Variants in ABLIM2 observed in about 807,000 individuals in gnomAD.
The protein encoded by ABLIM2 is actin binding LIM protein family member 2.
A neutral mutation model predicts 97.7 loss-of-function variants in ABLIM2; 53 were observed. The observed-to-expected ratio is 0.54, with a 90% CI of 0.44 to 0.68. The LOEUF (loss-of-function observed/expected upper bound fraction) is 0.68. Ranked by LOEUF, ABLIM2 falls within the 30% of genes least tolerant of loss-of-function variation. The probability of loss-of-function intolerance (pLI) is 0.00; values close to 1 mark genes in which losing one functional copy is unlikely to be tolerated. For synonymous variants in ABLIM2, 361 were observed against 345.8 expected, an observed-to-expected ratio of 1.04 and a Z score of -0.49; for missense variants, 835 against 867.2, an observed-to-expected ratio of 0.96 and a Z score of 0.47.
chr4:8,138,993 T>G (rs1336257982), intron 1 of ABLIM2, among the ~76,000 whole-genome samples: 2 of 152,150 alleles, frequency 1.3e-5, no homozygotes, highest in Admixed American at 1.3e-4. Flanking sequence ...GGTCAGGAGT[T>G]CAAGACCAGC....
At chr4:7,984,452 G>A (rs1228671745) in intron 18 of ABLIM2, among the ~76,000 whole-genome samples, 1 of 152,236 alleles carries the variant, frequency 6.6e-6, no homozygotes, top group Non-Finnish European at 1.5e-5. Context: ...TGCTGAACCC[G>A]GAGAGTTCAC....
chr4:7,994,760 GTTGTTT>G, intron 16 of ABLIM2, among the ~76,000 whole-genome samples: 1 of 116,644 alleles, frequency 8.6e-6, no homozygotes, highest in Non-Finnish European at 2.1e-5. Context: ...TCCAGCACCT[GTTGTTT>G]CCTGACTTCA....
chr4:7,972,662 G>C (rs1191931231), intron 20 of ABLIM2, among the ~76,000 whole-genome samples: 1 of 152,204 alleles, frequency 6.6e-6, no homozygotes, highest in Non-Finnish European at 1.5e-5. Flanking sequence ...GGCGCCACGG[G>C]GGCTCCCCCG....
In ABLIM2 at chr4:8,122,343, G is replaced by C. The variant is rs1023758763; in HGVS notation, c.11-15706C>G. ...TTCCCAGGGGACACCCTCTGTCCTGGTCCATGTGGGCTGCCAGAACAATAC... is the reference window on the plus strand; with the variant it reads ...TTCCCAGGGGACACCCTCTGTCCTGCTCCATGTGGGCTGCCAGAACAATAC... On this transcript the variant is annotated intron_variant, in intron 1 of 20. Coordinates refer to ENST00000447017, the MANE Select transcript of ABLIM2 (RefSeq NM_001130083.2). The surrounding 1 kb of genome is among the most constrained non-coding windows in gnomAD (Gnocchi z 4.1). Among the ~76,000 whole-genome samples the C allele has an allele frequency of 2.6e-5, 4 of 152,162 alleles. No individual in the cohort carries two copies. The highest frequency in any genetic ancestry group is 2.0e-4 in the Admixed American group (3 of 15,270).
At chr4:8,080,613 G>GT in intron 5 of ABLIM2, 63 bp downstream of exon 5, 1 of 1,490,680 alleles carries the variant, frequency 6.7e-7, no homozygotes. Flanking sequence ...TGCAGAGTGT[G>GT]GGACCCCCAC....
At position 8,021,270 on chromosome 4, in the gene ABLIM2, T is replaced by A. The variant is rs2150933873; in HGVS notation, c.1268-967A>T. ...ATTCTGTTTTGCGAACAAGGTTGGA[T>A]TATCAAGTCACGCATCCAGAGGGCC... On this transcript the variant is annotated intron_variant, in intron 12 of 20. Coordinates refer to ENST00000447017, the MANE Select transcript of ABLIM2 (RefSeq NM_001130083.2). The surrounding 1 kb of genome is among the most constrained non-coding windows in gnomAD (Gnocchi z 5.5). Among the ~76,000 whole-genome samples, 1 of 152,286 alleles carries A rather than the reference T, an allele frequency of 6.6e-6. No homozygotes were observed. The highest frequency in any genetic ancestry group is 2.1e-4 in the South Asian group (1 of 4,832).
Position 7,986,292 on chromosome 4 carries a change from A to C in ABLIM2, c.1681-1399T>G, listed in dbSNP as rs1308486537. ...AGGAGCTGGTTACAGCCTAGAGAGCACGAGAGCAGGAAGACCTCAGAGGGC... is the reference window on the plus strand; with the variant it reads ...AGGAGCTGGTTACAGCCTAGAGAGCCCGAGAGCAGGAAGACCTCAGAGGGC... On this transcript the variant is annotated intron_variant, in intron 17 of 20. Transcript: ENST00000447017. This position sits in a 1 kb window ranked among gnomAD's most constrained non-coding sequence, Gnocchi z 4.3. Among the ~76,000 whole-genome samples the C allele has an allele frequency of 1.3e-5, 2 of 152,194 alleles. No homozygotes were observed. The highest frequency in any genetic ancestry group is 4.8e-5 in the African/African-American group (2 of 41,454).
At chr4:8,066,608 G>A (rs1312408505) in intron 6 of ABLIM2, 3 of 152,212 alleles carry the variant, frequency 2.0e-5, no homozygotes, top group African/African-American at 4.8e-5. Flanking sequence ...GCTACAACAT[G>A]GATGAACTCT....
rs1466064876 is a variant in ABLIM2, at chr4:8,046,295, C to T, written c.823-1054G>A. On this transcript the variant is annotated intron_variant, in intron 8 of 20. Coordinates refer to ENST00000447017, the MANE Select transcript of ABLIM2 (RefSeq NM_001130083.2). This position sits in a 1 kb window ranked among gnomAD's most constrained non-coding sequence, Gnocchi z 4.4. ...TCTGTGGTCCCCACACCTCTGGCTGCACCTGCTGTCCCTCCCCACCTGCAG... is the reference window on the plus strand; with the variant it reads ...TCTGTGGTCCCCACACCTCTGGCTGTACCTGCTGTCCCTCCCCACCTGCAG... 2.0e-5 allele frequency among the ~76,000 whole-genome samples: 3 copies of T among 152,150 alleles called. No homozygotes were observed. The highest frequency in any genetic ancestry group is 2.9e-5 in the Non-Finnish European group (2 of 68,016).
At chr4:8,016,376 T>C (rs1221691571) in intron 14 of ABLIM2, among the ~76,000 whole-genome samples, 1 of 152,102 alleles carries the variant, frequency 6.6e-6, no homozygotes, top group Non-Finnish European at 1.5e-5. Flanking sequence ...GCGCACAGCT[T>C]CCCTCCCCTG....
At chr4:8,110,197 T>C (rs1299273243) in intron 1 of ABLIM2, among the ~76,000 whole-genome samples, 1 of 152,194 alleles carries the variant, frequency 6.6e-6, no homozygotes, top group Non-Finnish European at 1.5e-5. Flanking sequence ...GGGCCGTGCA[T>C]CTTCAAGACG....
intron 6 of ABLIM2, among the ~76,000 whole-genome samples, chr4:8,074,975 G>A (rs980707897): frequency 2.6e-5 from 4 of 151,996 alleles, no homozygotes; most frequent in African/African-American, 7.2e-5. Context: ...TAGTAGAGAC[G>A]GGGTTTCACC....
intron 20 of ABLIM2, among the ~76,000 whole-genome samples, chr4:7,981,870 G>C (rs1161461816): frequency 6.6e-6 from 1 of 152,074 alleles, no homozygotes; most frequent in Non-Finnish European, 1.5e-5. Flanking sequence ...CAGTGGGTGC[G>C]TGCTCAGTGT....
intron 1 of ABLIM2, among the ~76,000 whole-genome samples, chr4:8,145,654 A>G (rs1192742443): frequency 6.6e-6 from 1 of 151,528 alleles, no homozygotes; most frequent in African/African-American, 2.4e-5. Flanking sequence ...CCAGCTCCTA[A>G]TTTCTCATTG....
chr4:7,983,627 C>G, intron 18 of ABLIM2, 73 bp from the exon 19 acceptor site: 2 of 1,572,190 alleles, frequency 1.3e-6, no homozygotes, highest in Non-Finnish European at 1.7e-6. Context: ...TGAGTGCAAT[C>G]CCTGCCCTGG....
chr4:8,058,819 C>G lies in ABLIM2; in HGVS notation c.763+2148G>C, dbSNP rs1370323248. On this transcript the variant is annotated intron_variant, in intron 7 of 20. Transcript: ENST00000447017. The surrounding 1 kb of genome is among the most constrained non-coding windows in gnomAD (Gnocchi z 4.2). ...TGCAAAATCAGTCTGGCAGGAATCCCCTGGCCTAGAAGCCTAATCTCCCTC... is the reference window on the plus strand; with the variant it reads ...TGCAAAATCAGTCTGGCAGGAATCCGCTGGCCTAGAAGCCTAATCTCCCTC... Among the ~76,000 whole-genome samples, 1 of 152,176 alleles carries G rather than the reference C, an allele frequency of 6.6e-6. No individual in the cohort carries two copies. Among genetic ancestry groups the G allele is most frequent in the Non-Finnish European group, 1.5e-5 (1 of 68,042 alleles).
chr4:8,004,145 G>A lies in ABLIM2; in HGVS notation c.1618+3914C>T, dbSNP rs888293856. On this transcript the variant is annotated intron_variant, in intron 16 of 20. Transcript: ENST00000447017. This position sits in a 1 kb window ranked among gnomAD's most constrained non-coding sequence, Gnocchi z 5.9. ...TCCACAGAAAAGCTGCAGCAGGGTC[G>A]CTGTCTCCTAACCCTCCCTCCCAAC... 2.5e-4 allele frequency among the ~76,000 whole-genome samples: 38 copies of A among 149,526 alleles called. No homozygotes were observed. The highest frequency in any genetic ancestry group is 7.5e-4 in the African/African-American group (30 of 39,940).
At chr4:7,969,730 G>GACACACACACACACACACACAC (rs56236019) in intron 20 of ABLIM2, among the ~76,000 whole-genome samples, 2,830 of 139,600 alleles carry the variant, frequency 0.02, 132 homozygotes, top group East Asian at 0.05. Context: ...CTCTCTCTCT[G>GACACACACACACACACACACAC]ACACACACAC....
intron 1 of ABLIM2, among the ~76,000 whole-genome samples, chr4:8,152,650 C>T (rs917384940): frequency 3.3e-5 from 5 of 152,226 alleles, no homozygotes; most frequent in Admixed American, 6.5e-5. Flanking sequence ...GGGGCTTCCC[C>T]GGGACTGGGA....
Sources: gnomAD v4.1 joint callset for allele counts (sites outside exome capture counted in the v4.1 genomes callset) on GRCh38, gnomAD v4.1.1 for gene constraint, Gnocchi (gnomAD v3.1) non-coding constraint, MANE v1.5 for transcripts, NCBI Gene and HGNC (gene_info 2026-07-23, HGNC 2026-07-21) for gene names.